Variants in AHCTF1 observed in about 807,000 individuals in gnomAD.
AHCTF1 encodes AT-hook containing transcription factor 1, also known as protein ELYS.
In AHCTF1, 24 loss-of-function variants were observed where a neutral mutation model predicts 248.4. The observed-to-expected ratio is 0.10, with a 90% confidence interval of 0.07 to 0.14. The LOEUF is 0.14. AHCTF1 is among the 10% of genes least tolerant of loss of function. The probability of loss-of-function intolerance (pLI) is 1.00; values close to 1 mark genes in which losing one functional copy is unlikely to be tolerated. For synonymous variants in AHCTF1, 786 were observed against 929.8 expected (o/e 0.85, Z 2.81); for missense variants, 2,206 against 2,636.2 (o/e 0.84, Z 3.57).
chr1:246,906,683 C>G (rs1419139704), intron 5 of AHCTF1, among the ~76,000 whole-genome samples: 2 of 152,030 alleles, frequency 1.3e-5, no homozygotes, highest in Non-Finnish European at 2.9e-5. Flanking sequence ...TACCAGTATG[C>G]CTCAGGAAAA....
At chr1:246,876,917 T>C in intron 23 of AHCTF1, 33 bp downstream of exon 23, 1 of 1,607,510 alleles carries the variant, frequency 6.2e-7, no homozygotes, top group East Asian at 2.2e-5. Flanking sequence ...CCTTATTCTC[T>C]TATCCCCCAT....
At chr1:246,888,041 T>C in intron 19 of AHCTF1, 136 bp downstream of exon 19, 1 of 907,362 alleles carries the variant, frequency 1.1e-6, no homozygotes. Flanking sequence ...AAACAACAGA[T>C]CCTGGGTTAA....
In AHCTF1 at chr1:246,900,387, C is replaced by T. The variant is rs547653574; in HGVS notation, c.1200G>A (p.Gly400=). ...YGQGKPSVYL[G]LFDINRWYHA... ...GATACCAACGATTTATATCAAAAAG[C>T]CCCAAATATACAGAAGGCTTTCCCT... The change falls in exon 9 of 36, where the codon GGG becomes GGA. Residue 400 remains glycine, a synonymous_variant. Coordinates refer to ENST00000648844, the MANE Select transcript of AHCTF1 (RefSeq NM_001323342.2). 1.3e-5 allele frequency: 20 copies of T among 1,597,966 alleles called. No individual in the cohort carries two copies. In the African/African-American group the frequency reaches 2.4e-4, roughly 19 times the overall value.
chr1:246,913,531 T>C, intron 3 of AHCTF1, 119 bp from the exon 4 acceptor site: 1 of 930,550 alleles, frequency 1.1e-6, no homozygotes, highest in Middle Eastern at 3.1e-4. Flanking sequence ...ATAGAGTAAA[T>C]TTGCATTTGA....
intron 1 of AHCTF1, among the ~76,000 whole-genome samples, chr1:246,929,305 A>G (rs1342440673): frequency 6.6e-6 from 1 of 152,162 alleles, no homozygotes; most frequent in Non-Finnish European, 1.5e-5. Context: ...GCTACTCGGG[A>G]GGCTGAGGCA....
chr1:246,886,087 T>C (rs1329890861), intron 20 of AHCTF1, among the ~76,000 whole-genome samples: 6 of 152,072 alleles, frequency 3.9e-5, no homozygotes, highest in Admixed American at 6.6e-5. Flanking sequence ...TCCCAGCACT[T>C]TGGGAGGCTG....
chr1:246,867,605 G>A (rs1301824003), intron 25 of AHCTF1, 56 bp downstream of exon 25: 1 of 1,574,932 alleles, frequency 6.3e-7, no homozygotes, highest in East Asian at 2.3e-5. Flanking sequence ...GAACGCTGTT[G>A]ATGTCCAGTA....
At chr1:246,891,097 A>T (rs1254035694) in intron 15 of AHCTF1, 37 bp from the exon 16 acceptor site, 11 of 1,385,058 alleles carry the variant, frequency 7.9e-6, no homozygotes, top group Non-Finnish European at 1.1e-5. Flanking sequence ...TTTACTTACA[A>T]AAAAATCAAG....
At chr1:246,841,955 A>ATTT (rs1211083487) in intron 35 of AHCTF1, among the ~76,000 whole-genome samples, 62 of 124,252 alleles carry the variant, frequency 5.0e-4, no homozygotes, top group South Asian at 8.0e-4. Flanking sequence ...CGCCCAGCTA[A>ATTT]TTTTTTTTTT....
At chr1:246,889,801 T>C (rs551115640) in intron 17 of AHCTF1, among the ~76,000 whole-genome samples, 165 bp downstream of exon 17, 2 of 152,328 alleles carry the variant, frequency 1.3e-5, no homozygotes, top group South Asian at 4.1e-4. Flanking sequence ...AAGTAGGTTA[T>C]TCGTGTACTT....
At chr1:246,847,890 T>C (rs1572356102) in intron 33 of AHCTF1, among the ~76,000 whole-genome samples, 2 of 152,186 alleles carry the variant, frequency 1.3e-5, no homozygotes, top group South Asian at 2.1e-4. Context: ...GTTATGTGAA[T>C]GACTTCCTGC....
At chr1:246,920,631 G>T (rs934678076) in intron 1 of AHCTF1, among the ~76,000 whole-genome samples, 5 of 152,016 alleles carry the variant, frequency 3.3e-5, no homozygotes, top group African/African-American at 1.2e-4. Context: ...TTAGCCGAGC[G>T]TGGTGGCGGG....
chr1:246,858,279 C>A (rs780784739), intron 29 of AHCTF1, among the ~76,000 whole-genome samples: 1 of 152,016 alleles, frequency 6.6e-6, no homozygotes, highest in African/African-American at 2.4e-5. Flanking sequence ...TCTTCTAATT[C>A]TCTGAACCTA....
In AHCTF1 at chr1:246,899,308, T is replaced by C. The variant is rs58965522; in HGVS notation, c.1494+143A>G. 2.3e-3 allele frequency: 1,331 copies of C among 587,462 alleles called. 20 individuals carry two copies. The highest frequency in any genetic ancestry group is 0.023 in the African/African-American group (1,161 of 51,464). The allele number at this position is 587,462 out of a possible 1,614,324, so 36.4% of individuals were successfully genotyped here. On this transcript the variant is annotated intron_variant, in intron 11 of 35. Coordinates refer to ENST00000648844, the MANE Select transcript of AHCTF1 (RefSeq NM_001323342.2). ...TGTCATTAGTAACTGATACTACTAG[T>C]TGATAATCTCATAAACCTAGCAGAA...
chr1:246,841,951 G>A (rs1659897748), intron 35 of AHCTF1, among the ~76,000 whole-genome samples: 1 of 130,664 alleles, frequency 7.7e-6, no homozygotes, highest in Admixed American at 7.6e-5. Context: ...ACCACGCCCA[G>A]CTAATTTTTT....
intron 21 of AHCTF1, among the ~76,000 whole-genome samples, chr1:246,884,807 T>C (rs1429057084): frequency 6.6e-6 from 1 of 152,220 alleles, no homozygotes; most frequent in African/African-American, 2.4e-5. Context: ...TAAGATTTTC[T>C]TTCTATGAGG....
At chr1:246,916,515 A>G in intron 2 of AHCTF1, 120 bp from the exon 3 acceptor site, 1 of 899,286 alleles carries the variant, frequency 1.1e-6, no homozygotes, top group Non-Finnish European at 1.7e-6. Flanking sequence ...TTATCTCCAC[A>G]TTGAAATCTT....
chr1:246,893,365 T>A (rs1330786234), intron 14 of AHCTF1, among the ~76,000 whole-genome samples: 1 of 152,214 alleles, frequency 6.6e-6, no homozygotes, highest in Non-Finnish European at 1.5e-5. Context: ...CTACTAAGAA[T>A]AACTTAACTT....
intron 27 of AHCTF1, 33 bp from the exon 28 acceptor site, chr1:246,862,186 A>G: frequency 6.4e-7 from 1 of 1,561,794 alleles, no homozygotes; most frequent in Non-Finnish European, 8.7e-7. Context: ...TTACACCATT[A>G]AAAGTGCTTA....
Sources: gnomAD v4.1 joint callset for allele counts (sites outside exome capture counted in the v4.1 genomes callset) on GRCh38, gnomAD v4.1.1 for gene constraint, MANE v1.5 for transcripts, NCBI Gene and HGNC (gene_info 2026-07-23, HGNC 2026-07-21) for gene names.